Variants in VRK1 observed in about 807,000 individuals in gnomAD.
VRK1 encodes serine/threonine-protein kinase VRK1.
In VRK1, 33 loss-of-function variants were observed where a neutral mutation model predicts 57.1. The ratio of observed to expected loss-of-function variants is 0.58; its 90% CI spans 0.44 to 0.77. The LOEUF is 0.77. Ranked by LOEUF, VRK1 falls within the 30% of genes least tolerant of loss-of-function variation. The probability of loss-of-function intolerance (pLI) is 0.00; values close to 1 mark genes in which losing one functional copy is unlikely to be tolerated. For missense variants in VRK1, 413 were observed against 477.3 expected (o/e 0.87, Z 1.25); for synonymous variants, 137 against 147.8 (o/e 0.93, Z 0.53).
chr14:96,857,888 A>G (rs1888230308), intron 10 of VRK1, among the ~76,000 whole-genome samples: 1 of 152,164 alleles, frequency 6.6e-6, no homozygotes, highest in East Asian at 1.9e-4. Flanking sequence ...ACTTACCTTA[A>G]TTTCCAACAC....
chr14:96,815,198 G>A (rs1046787333), intron 1 of VRK1, among the ~76,000 whole-genome samples: 2 of 151,212 alleles, frequency 1.3e-5, no homozygotes, highest in Admixed American at 6.6e-5. Context: ...TGTAAATTAA[G>A]TCTCATTGTA....
intron 1 of VRK1, among the ~76,000 whole-genome samples, chr14:96,826,637 G>A (rs9323954): frequency 0.61 from 93,340 of 152,028 alleles, 29,431 homozygotes; most frequent in African/African-American, 0.66. Flanking sequence ...TGTGCCTTTC[G>A]GTATATTCAT....
rs779346533 is a variant in VRK1, at chr14:96,821,896, C to T, written c.-5-11571C>T. Among the ~76,000 whole-genome samples the T allele has an allele frequency of 8.5e-5, 13 of 152,242 alleles. No homozygotes were observed. In the East Asian group the frequency reaches 2.1e-3, roughly 25 times the overall value. On this transcript the variant is annotated intron_variant, in intron 1 of 12. Coordinates refer to ENST00000216639, the MANE Select transcript of VRK1 (RefSeq NM_003384.3). ...CAAGCTGGACATGTTCTTGCCTTAA[C>T]GCCTTTGTAGTCGCTCCTCCCTCAA...
chr14:96,879,469 G>A (rs4905558), intron 12 of VRK1, among the ~76,000 whole-genome samples: 93,511 of 151,874 alleles, frequency 0.62, 29,555 homozygotes, highest in African/African-American at 0.66. Context: ...CTATTTGAAT[G>A]TAACTTTATA....
At chr14:96,869,400 C>A (rs757880838) in intron 11 of VRK1, among the ~76,000 whole-genome samples, 5 of 152,052 alleles carry the variant, frequency 3.3e-5, no homozygotes, top group Non-Finnish European at 5.9e-5. Flanking sequence ...TTTAAAAGTT[C>A]AGTTTATGAA....
At chr14:96,802,726 AGTGATGAATATT>A in intron 1 of VRK1, among the ~76,000 whole-genome samples, 1 of 152,338 alleles carries the variant, frequency 6.6e-6, no homozygotes, top group East Asian at 1.9e-4. Flanking sequence ...TAAGTAGTTC[AGTGATGAATATT>A]GTATTAGTGT....
In VRK1 at chr14:96,860,668, A is replaced by T; in HGVS notation, c.1001A>T (p.Lys334Met). The T allele has an allele frequency of 6.2e-7, 1 of 1,613,484 alleles. No individual in the cohort carries two copies. The highest frequency in any genetic ancestry group is 8.5e-7 in the Non-Finnish European group (1 of 1,179,576). ...LLQGLKAIGS[K>M]DDGKLDLSVV... The stretch of plus-strand genomic sequence containing the variant: ...CAAGGACTAAAAGCTATAGGAAGTA[A>T]GGATGATGGCAAATTGGACCTCAGT... The change falls in exon 11 of 13, where the codon AAG (lysine) becomes ATG (methionine). Residue 334 changes from lysine (K) to methionine (M), a missense_variant. This residue lies in a region of VRK1 where 146 missense variants were observed against 138.2 expected (regional missense o/e 1.06). Coordinates refer to ENST00000216639, the MANE Select transcript of VRK1 (RefSeq NM_003384.3).
chr14:96,833,270 T>C (rs1887079131), intron 1 of VRK1, among the ~76,000 whole-genome samples, 197 bp from the exon 2 acceptor site: 1 of 152,228 alleles, frequency 6.6e-6, no homozygotes, highest in African/African-American at 2.4e-5. Flanking sequence ...TATATGATTT[T>C]ATTGTTTCTT....
At chr14:96,836,186 G>T (rs1180713252) in intron 2 of VRK1, among the ~76,000 whole-genome samples, 1 of 151,914 alleles carries the variant, frequency 6.6e-6, no homozygotes, top group African/African-American at 2.4e-5. Flanking sequence ...AAAATTTTTA[G>T]TAGCTTTACT....
At chr14:96,812,495 A>G (rs1028956152) in intron 1 of VRK1, among the ~76,000 whole-genome samples, 7 of 152,054 alleles carry the variant, frequency 4.6e-5, no homozygotes, top group African/African-American at 1.4e-4. Flanking sequence ...TTCCCTAACA[A>G]CTAATGATAC....
At chr14:96,826,041 C>T (rs1045893842) in intron 1 of VRK1, among the ~76,000 whole-genome samples, 10 of 152,022 alleles carry the variant, frequency 6.6e-5, no homozygotes, top group Admixed American at 5.2e-4. Context: ...CTCTCTTCAG[C>T]AGAAGGTTAA....
intron 11 of VRK1, among the ~76,000 whole-genome samples, chr14:96,862,333 A>G (rs1488757265): frequency 6.6e-6 from 1 of 152,198 alleles, no homozygotes; most frequent in Non-Finnish European, 1.5e-5. Flanking sequence ...AATGAATACT[A>G]AGTTGAACAA....
At chr14:96,836,576 G>A (rs899857524) in intron 2 of VRK1, among the ~76,000 whole-genome samples, 3 of 142,644 alleles carry the variant, frequency 2.1e-5, no homozygotes, top group Admixed American at 7.3e-5. Context: ...AGATTGGAGT[G>A]CAGTGGCATG....
intron 1 of VRK1, among the ~76,000 whole-genome samples, chr14:96,818,573 A>G (rs963408840): frequency 6.6e-6 from 1 of 152,106 alleles, no homozygotes; most frequent in African/African-American, 2.4e-5. Context: ...TTATGGGATC[A>G]TTATCTCTGG....
intron 3 of VRK1, among the ~76,000 whole-genome samples, chr14:96,841,537 G>C (rs1283839109): frequency 6.6e-6 from 1 of 152,130 alleles, no homozygotes; most frequent in Admixed American, 6.6e-5. Flanking sequence ...GGATGTTACA[G>C]TTATCCTAGA....
At chr14:96,812,625 A>G (rs1886248825) in intron 1 of VRK1, among the ~76,000 whole-genome samples, 2 of 152,024 alleles carry the variant, frequency 1.3e-5, no homozygotes, top group African/African-American at 4.8e-5. Context: ...TTAACCTTTT[A>G]ATGTTCACTC....
intron 10 of VRK1, among the ~76,000 whole-genome samples, chr14:96,860,282 AGTT>A (rs1888333855): frequency 6.6e-6 from 1 of 152,122 alleles, no homozygotes; most frequent in African/African-American, 2.4e-5. Context: ...ATACTATAAT[AGTT>A]ATTTTTATGA....
At chr14:96,864,738 T>A (rs1888517760) in intron 11 of VRK1, among the ~76,000 whole-genome samples, 1 of 152,176 alleles carries the variant, frequency 6.6e-6, no homozygotes, top group African/African-American at 2.4e-5. Context: ...GAGTTCCAGT[T>A]GCTCACTGAC....
intron 3 of VRK1, among the ~76,000 whole-genome samples, chr14:96,841,166 TAA>T (rs1375043993): frequency 1.3e-5 from 2 of 152,258 alleles, no homozygotes; most frequent in South Asian, 2.1e-4. Context: ...CCTCTGAACT[TAA>T]GTTGTATTTT....
Sources: allele counts gnomAD v4.1 joint callset (sites outside exome capture counted in the v4.1 genomes callset), GRCh38; gene constraint gnomAD v4.1.1; regional missense constraint gnomAD v4.1.1; transcripts MANE v1.5; gene names NCBI Gene and HGNC (gene_info 2026-07-23, HGNC 2026-07-21).